IL21R: variants seen among roughly 807,000 people sequenced by gnomAD.
IL21R encodes interleukin 21 receptor.
In IL21R, 14 loss-of-function variants were observed where a neutral mutation model predicts 41.3. The observed-to-expected ratio is 0.34, with a 90% CI of 0.22 to 0.53. IL21R has a LOEUF of 0.53. IL21R is among the 20% of genes least tolerant of loss of function. The pLI, the probability that IL21R is intolerant of heterozygous loss-of-function variation, is 0.94. For missense variants in IL21R, 588 were observed against 681.6 expected (o/e 0.86, Z 1.53); for synonymous variants, 286 against 287.6 (o/e 0.99, Z 0.05).
Position 27,449,544 on chromosome 16 carries a change from C to T in IL21R, c.*261C>T. On this transcript the variant is annotated 3_prime_UTR_variant, in exon 9 of 9. Coordinates refer to ENST00000337929, the MANE Select transcript of IL21R (RefSeq NM_181078.3). ...ACGTGCCTGTGGGCCTGGGATAATGCCCATGGTACTCCATGCATTCACCTG... is the reference window on the plus strand; with the variant it reads ...ACGTGCCTGTGGGCCTGGGATAATGTCCATGGTACTCCATGCATTCACCTG... 3.7e-6 allele frequency: 2 copies of T among 539,640 alleles called. No individual in the cohort carries two copies. The highest frequency in any genetic ancestry group is 3.3e-6 in the Non-Finnish European group (1 of 304,608). 33.4% of individuals were successfully genotyped at this position (539,640 alleles called of 1,614,324 possible). A position where few individuals can be genotyped will look rare whatever the true frequency, so the allele number is the denominator to read the frequency against.
chr16:27,411,294 CT>C (rs907191582), intron 1 of IL21R, among the ~76,000 whole-genome samples: 71 of 150,602 alleles, frequency 4.7e-4, no homozygotes, highest in African/African-American at 1.6e-3. Context: ...TTGTTCTTTT[CT>C]TTTTTTTTAT....
At chr16:27,409,945 T>C (rs2141259140) in intron 1 of IL21R, among the ~76,000 whole-genome samples, 1 of 152,286 alleles carries the variant, frequency 6.6e-6, no homozygotes, top group East Asian at 1.9e-4. Context: ...ATCCTTAAAG[T>C]ATTAAATTTT....
intron 4 of IL21R, among the ~76,000 whole-genome samples, chr16:27,439,026 G>GC (rs1463468243): frequency 1.3e-5 from 2 of 152,046 alleles, no homozygotes; most frequent in African/African-American, 2.4e-5. Context: ...GGAAGGCCCC[G>GC]CCCATGAGCT....
intron 3 of IL21R, among the ~76,000 whole-genome samples, chr16:27,435,789 G>C (rs1242843503): frequency 6.6e-6 from 1 of 151,390 alleles, no homozygotes; most frequent in Non-Finnish European, 1.5e-5. Flanking sequence ...TTTTTTTGGA[G>C]ACGGAGTCTC....
chr16:27,442,430 C>T (rs933085445), intron 4 of IL21R, among the ~76,000 whole-genome samples: 4 of 152,204 alleles, frequency 2.6e-5, no homozygotes, highest in African/African-American at 9.6e-5. Context: ...GTGGCGCAAT[C>T]TTGGCTCACT....
chr16:27,440,248 T>TAGAGAG lies in IL21R; in HGVS notation c.352+2588_352+2593dup, dbSNP rs1217071764. On this transcript the variant is annotated intron_variant, in intron 4 of 8. Coordinates refer to ENST00000337929, the MANE Select transcript of IL21R (RefSeq NM_181078.3). ...ATATATATATATATATATATATATA[T>TAGAGAG]AGAGAGAGAGAGAGAGAGAGAGAGA... Among the ~76,000 whole-genome samples, 424 of 64,002 alleles carry TAGAGAG rather than the reference T, an allele frequency of 6.6e-3. 10 individuals carry two copies. The highest frequency in any genetic ancestry group is 0.018 in the African/African-American group (205 of 11,394). 42.0% of individuals were successfully genotyped at this position (64,002 alleles called of 152,430 possible).
chr16:27,410,192 T>C (rs1478348051), intron 1 of IL21R, among the ~76,000 whole-genome samples: 1 of 151,840 alleles, frequency 6.6e-6, no homozygotes, highest in Non-Finnish European at 1.5e-5. Context: ...AAAAATTAGC[T>C]GAGTGTGGTG....
chr16:27,440,021 G>A (rs1457242586), intron 4 of IL21R, among the ~76,000 whole-genome samples: 1 of 151,854 alleles, frequency 6.6e-6, no homozygotes, highest in East Asian at 1.9e-4. Flanking sequence ...ACAAAAGAGG[G>A]GTTAGAAACG....
intron 1 of IL21R, among the ~76,000 whole-genome samples, chr16:27,419,806 A>C (rs2086969920): frequency 6.8e-6 from 1 of 146,106 alleles, no homozygotes; most frequent in Non-Finnish European, 1.5e-5. Context: ...TACATACACC[A>C]GTAACATAGT....
intron 4 of IL21R, among the ~76,000 whole-genome samples, chr16:27,439,628 GACAC>G (rs888279344): frequency 1.1e-4 from 16 of 149,472 alleles, no homozygotes; most frequent in African/African-American, 4.0e-4. Context: ...CTCATGCACA[GACAC>G]ACACATTACT....
chr16:27,431,378 GC>G (rs2087168550), intron 2 of IL21R, among the ~76,000 whole-genome samples: 1 of 152,156 alleles, frequency 6.6e-6, no homozygotes, highest in African/African-American at 2.4e-5. Flanking sequence ...TGTCCCAACA[GC>G]CCCACAAGGC....
At chr16:27,435,298 C>T (rs1005612206) in intron 3 of IL21R, among the ~76,000 whole-genome samples, 8 of 152,212 alleles carry the variant, frequency 5.3e-5, no homozygotes, top group African/African-American at 1.9e-4. Flanking sequence ...AAGTTCCTGC[C>T]AGACACTGTT....
Position 27,421,476 on chromosome 16 carries a change from G to GT in IL21R, c.-16-8576dup, listed in dbSNP as rs542555167. Among the ~76,000 whole-genome samples the GT allele has an allele frequency of 1.1e-3, 164 of 151,788 alleles. 3 individuals are homozygous for GT. The highest frequency in any genetic ancestry group is 3.6e-3 in the African/African-American group (149 of 41,420). ...CATGGTATATCCTCCATTTATTTAG[G>GT]TTTTCTATAATTTATTTCAATAACA... On this transcript the variant is annotated intron_variant, in intron 1 of 8. Coordinates refer to ENST00000337929, the MANE Select transcript of IL21R (RefSeq NM_181078.3).
chr16:27,448,766 G>A lies in IL21R; in HGVS notation c.1100G>A (p.Arg367Lys). 1 of 1,613,674 alleles carries A rather than the reference G, an allele frequency of 6.2e-7. No individual in the cohort carries two copies. The highest frequency in any genetic ancestry group is 8.5e-7 in the Non-Finnish European group (1 of 1,180,042). The change falls in exon 9 of 9, where the codon AGG becomes AAG. Residue 367 changes from arginine to lysine, a missense_variant. Transcript: ENST00000337929. ...NSGGSAYSEE[R>K]DRPYGLVSID... ...GGGGGCTCAGCTTACAGTGAGGAGA[G>A]GGATCGGCCATACGGCCTGGTGTCC... is the stretch of plus-strand genomic sequence containing the variant.
At chr16:27,426,004 G>C (rs948799948) in intron 1 of IL21R, among the ~76,000 whole-genome samples, 1 of 152,186 alleles carries the variant, frequency 6.6e-6, no homozygotes, top group African/African-American at 2.4e-5. Flanking sequence ...TTTATGGTAA[G>C]TTGATTGTTT....
At chr16:27,440,279 A>AGAGAGAGAGAGAGAGAGAGC (rs1567370043) in intron 4 of IL21R, among the ~76,000 whole-genome samples, 23 of 131,862 alleles carry the variant, frequency 1.7e-4, no homozygotes, top group African/African-American at 6.6e-4. Flanking sequence ...AGAGAGAGAG[A>AGAGAGAGAGAGAGAGAGAGC]GCGAGCAAGC....
intron 4 of IL21R, among the ~76,000 whole-genome samples, chr16:27,438,292 A>G (rs371765452): frequency 8.1e-5 from 12 of 148,984 alleles, no homozygotes; most frequent in East Asian, 2.0e-4. Flanking sequence ...TGAGTTACAG[A>G]AAAAAAAAAC....
At chr16:27,403,081 T>A in intron 1 of IL21R, 1 of 529,046 alleles carries the variant, frequency 1.9e-6, no homozygotes, top group South Asian at 1.6e-5. Flanking sequence ...ATTTCGCAGA[T>A]GAGGCAATGA....
intron 4 of IL21R, 48 bp downstream of exon 4, chr16:27,437,735 C>T: frequency 6.6e-7 from 1 of 1,504,660 alleles, no homozygotes; most frequent in South Asian, 1.1e-5. Context: ...AATCTTAGCT[C>T]ACCGCAGCCC....
Sources: allele counts gnomAD v4.1 joint callset (sites outside exome capture counted in the v4.1 genomes callset), GRCh38; gene constraint gnomAD v4.1.1; transcripts MANE v1.5; gene names NCBI Gene and HGNC (gene_info 2026-07-23, HGNC 2026-07-21).